DCLK1: variants seen among roughly 807,000 people sequenced by gnomAD.
The protein encoded by DCLK1 is doublecortin like kinase 1, also known as serine/threonine-protein kinase DCLK1.
A neutral mutation model predicts 86.2 loss-of-function variants in DCLK1; 16 were observed. The ratio of observed to expected loss-of-function variants is 0.19; its 90% CI spans 0.13 to 0.28. DCLK1 has a LOEUF of 0.28. Ranked by LOEUF, DCLK1 falls within the 10% of genes least tolerant of loss-of-function variation. DCLK1 has a pLI of 1.00. For synonymous variants in DCLK1, 369 were observed against 370.5 expected (o/e 1.00, Z 0.05); for missense variants, 590 against 940.2 (o/e 0.63, Z 4.87).
intron 3 of DCLK1, among the ~76,000 whole-genome samples, chr13:36,014,217 C>A (rs1881436493): frequency 6.6e-6 from 1 of 152,184 alleles, no homozygotes; most frequent in South Asian, 2.1e-4. Flanking sequence ...TCCTATTCGG[C>A]CATCTTGGCT....
At chr13:35,888,111 G>C (rs1926456) in intron 4 of DCLK1, among the ~76,000 whole-genome samples, 3 of 152,060 alleles carry the variant, frequency 2.0e-5, no homozygotes, top group African/African-American at 7.2e-5. Context: ...GAAAACTTCA[G>C]ATTTCCTTTT....
At chr13:35,958,286 C>T (rs142954789) in intron 3 of DCLK1, among the ~76,000 whole-genome samples, 12 of 326 alleles carry the variant, frequency 0.037, 3 homozygotes, top group Admixed American at 0.059. Context: ...CCATCACTGC[C>T]ACTATAACCA....
intron 15 of DCLK1, chr13:35,805,322 T>C (rs769476694): frequency 3.1e-5 from 6 of 192,160 alleles, no homozygotes; most frequent in Admixed American, 5.8e-5. Context: ...TTTTAGATGA[T>C]GTCTCACTCT....
intron 15 of DCLK1, among the ~76,000 whole-genome samples, chr13:35,803,961 C>T (rs1238192731): frequency 1.3e-5 from 2 of 152,130 alleles, no homozygotes; most frequent in Non-Finnish European, 2.9e-5. Context: ...GATGGAGCTT[C>T]CCCATCTGTC....
chr13:35,913,046 G>A lies in DCLK1; in HGVS notation c.823+34312C>T, dbSNP rs73511232. On this transcript the variant is annotated intron_variant, in intron 4 of 16. Transcript: ENST00000360631. ...GCCAAAGAAATGGGGCACCTCCGTC[G>A]CAAGTCTGACAAGGGGTGAGAAAAT... Among the ~76,000 whole-genome samples, 1,258 of 152,272 alleles carry A rather than the reference G, an allele frequency of 8.3e-3. 24 individuals carry two copies. The highest frequency in any genetic ancestry group is 0.029 in the African/African-American group (1,187 of 41,558).
intron 3 of DCLK1, among the ~76,000 whole-genome samples, chr13:36,008,830 A>G (rs1366609360): frequency 6.6e-6 from 1 of 151,090 alleles, no homozygotes; most frequent in Non-Finnish European, 1.5e-5. Flanking sequence ...ACTAGTTTAC[A>G]GTCTCACCAA....
chr13:35,957,389 G>A (rs1878049739), intron 3 of DCLK1, among the ~76,000 whole-genome samples: 1 of 152,120 alleles, frequency 6.6e-6, no homozygotes, highest in Non-Finnish European at 1.5e-5. Context: ...ATGCATTCTG[G>A]TGCTATGACT....
At chr13:36,025,970 G>A (rs1882018881) in intron 3 of DCLK1, among the ~76,000 whole-genome samples, 1 of 151,954 alleles carries the variant, frequency 6.6e-6, no homozygotes, top group African/African-American at 2.4e-5. Flanking sequence ...CATGGTGGGG[G>A]GAGAGGAAAG....
chr13:35,873,543 G>A (rs750803865), intron 4 of DCLK1, among the ~76,000 whole-genome samples: 78 of 151,744 alleles, frequency 5.1e-4, no homozygotes, highest in Non-Finnish European at 9.0e-4. Context: ...CCACCACCAT[G>A]CCTGGCTAAT....
intron 3 of DCLK1, among the ~76,000 whole-genome samples, chr13:36,017,990 T>G (rs1881611339): frequency 6.6e-6 from 1 of 152,226 alleles, no homozygotes; most frequent in African/African-American, 2.4e-5. Flanking sequence ...TTTTTAACTC[T>G]ATTTGCACTG....
chr13:36,014,087 A>T (rs1180984605), intron 3 of DCLK1, among the ~76,000 whole-genome samples: 4 of 152,124 alleles, frequency 2.6e-5, no homozygotes, highest in Non-Finnish European at 1.5e-5. Flanking sequence ...GCGCGCACCC[A>T]CTGGCCTGCG....
intron 3 of DCLK1, among the ~76,000 whole-genome samples, chr13:36,004,028 G>A (rs1003010762): frequency 6.6e-6 from 1 of 152,178 alleles, no homozygotes; most frequent in Admixed American, 6.5e-5. Context: ...CTGAAAAGAA[G>A]CAAAATAAAA....
At chr13:36,095,395 C>T (rs563515222) in intron 3 of DCLK1, among the ~76,000 whole-genome samples, 5 of 151,878 alleles carry the variant, frequency 3.3e-5, no homozygotes, top group South Asian at 2.1e-4. Context: ...TTAGTAGAGA[C>T]GGGTTTCACT....
intron 4 of DCLK1, among the ~76,000 whole-genome samples, chr13:35,923,912 A>G (rs962976067): frequency 6.6e-6 from 1 of 152,304 alleles, no homozygotes; most frequent in Non-Finnish European, 1.5e-5. Flanking sequence ...ACAAATGCAC[A>G]TGCTAAACTA....
intron 4 of DCLK1, among the ~76,000 whole-genome samples, chr13:35,884,612 G>A (rs1016604598): frequency 2.6e-5 from 4 of 152,138 alleles, no homozygotes; most frequent in African/African-American, 7.2e-5. Context: ...CCTTGGGTAC[G>A]GCTCCTTTAA....
intron 3 of DCLK1, among the ~76,000 whole-genome samples, chr13:36,077,843 C>T (rs1884265132): frequency 6.6e-6 from 1 of 152,200 alleles, no homozygotes; most frequent in Non-Finnish European, 1.5e-5. Flanking sequence ...CTGGCCAATG[C>T]TGATGTCGGG....
intron 2 of DCLK1, among the ~76,000 whole-genome samples, chr13:36,114,078 A>G (rs968285598): frequency 4.6e-5 from 7 of 152,260 alleles, no homozygotes; most frequent in Non-Finnish European, 8.8e-5. Flanking sequence ...CTAAAAGCAA[A>G]ACAAAGATAC....
intron 3 of DCLK1, among the ~76,000 whole-genome samples, chr13:35,975,557 C>T (rs1165427280): frequency 6.6e-6 from 1 of 151,906 alleles, no homozygotes; most frequent in African/African-American, 2.4e-5. Flanking sequence ...CACCCCCACC[C>T]CACTTGCTAC....
chr13:36,056,657 C>CA lies in DCLK1; in HGVS notation c.723+55211dup, dbSNP rs67040436. 2.0e-3 allele frequency among the ~76,000 whole-genome samples: 264 copies of CA among 129,084 alleles called. 1 individual carries two copies. Among genetic ancestry groups the CA allele is most frequent in the African/African-American group, 8.0e-3 (249 of 31,228 alleles). The allele number at this position is 129,084 out of a possible 152,430, so 84.7% of individuals were successfully genotyped here. On this transcript the variant is annotated intron_variant, in intron 3 of 16. Transcript: ENST00000360631. ...AAAAAGAAAGAAATTCCAGAGCACACAAAAAAAAAAATTAACCATATAATG... is the reference window on the plus strand; with the variant it reads ...AAAAAGAAAGAAATTCCAGAGCACACAAAAAAAAAAAATTAACCATATAATG...
Sources: gnomAD v4.1 joint callset for allele counts (sites outside exome capture counted in the v4.1 genomes callset) on GRCh38, gnomAD v4.1.1 for gene constraint, MANE v1.5 for transcripts, NCBI Gene and HGNC (gene_info 2026-07-23, HGNC 2026-07-21) for gene names.